Variants in AGBL4 observed in about 807,000 individuals in gnomAD.
AGBL4 encodes the protein AGBL carboxypeptidase 4, also known as cytosolic carboxypeptidase 6.
AGBL4 carries 58 observed loss-of-function variants against 66.4 expected under a neutral mutation model. That is an observed-to-expected ratio of 0.87 (90% CI 0.71 to 1.09). The LOEUF is 1.09. AGBL4 is among the 50% of genes least tolerant of loss of function. The pLI is 0.00. For missense variants in AGBL4, 579 were observed against 631.0 expected (o/e 0.92, Z 0.88); for synonymous variants, 234 against 222.9 (o/e 1.05, Z -0.44).
At chr1:49,008,659 G>A (rs1013585631) in intron 5 of AGBL4, among the ~76,000 whole-genome samples, 3 of 132,714 alleles carry the variant, frequency 2.3e-5, no homozygotes, top group Admixed American at 7.8e-5. Context: ...TAAAAGAACA[G>A]AGATTATAAC....
At chr1:49,760,556 C>T (rs1215088691) in intron 2 of AGBL4, among the ~76,000 whole-genome samples, 2 of 152,174 alleles carry the variant, frequency 1.3e-5, no homozygotes, top group Non-Finnish European at 2.9e-5. Context: ...AATAGGAACA[C>T]TCTTACATTG....
chr1:48,587,991 T>A (rs1409137786), intron 10 of AGBL4, among the ~76,000 whole-genome samples: 1 of 152,168 alleles, frequency 6.6e-6, no homozygotes, highest in Non-Finnish European at 1.5e-5. Context: ...GGCAGTGCTT[T>A]CAATTGTATG....
downstream of AGBL4, among the ~76,000 whole-genome samples, chr1:48,532,174 T>A (rs189904918): frequency 6.6e-6 from 1 of 152,318 alleles, no homozygotes; most frequent in East Asian, 1.9e-4. Context: ...CCTAGTCATA[T>A]TCCAAATGAT....
chr1:49,790,988 C>T (rs1644585876), intron 2 of AGBL4, among the ~76,000 whole-genome samples: 1 of 151,866 alleles, frequency 6.6e-6, no homozygotes, highest in South Asian at 2.1e-4. Flanking sequence ...ATAACAATAT[C>T]CAAAGAATGG....
intron 6 of AGBL4, among the ~76,000 whole-genome samples, chr1:48,720,670 A>C (rs1332743604): frequency 2.0e-5 from 3 of 152,238 alleles, no homozygotes; most frequent in Non-Finnish European, 4.4e-5. Flanking sequence ...AAACATCACC[A>C]TAACTATATC....
At chr1:49,632,556 G>A (rs1213794497) in intron 3 of AGBL4, among the ~76,000 whole-genome samples, 1 of 151,974 alleles carries the variant, frequency 6.6e-6, no homozygotes, top group Non-Finnish European at 1.5e-5. Context: ...ATGGTCTGGG[G>A]AAACCCTTAG....
chr1:49,479,429 T>C (rs1164032208), intron 3 of AGBL4, among the ~76,000 whole-genome samples: 2 of 151,976 alleles, frequency 1.3e-5, no homozygotes, highest in Non-Finnish European at 1.5e-5. Flanking sequence ...ACTGATTAGT[T>C]ATTTTTCCTG....
chr1:49,292,679 G>A (rs531086482), intron 3 of AGBL4, among the ~76,000 whole-genome samples: 1 of 152,144 alleles, frequency 6.6e-6, no homozygotes, highest in African/African-American at 2.4e-5. Flanking sequence ...TCTACTGAAA[G>A]CTGCAGACAT....
At position 49,901,437 on chromosome 1, in the gene AGBL4, T is replaced by C. The variant is rs139180390; in HGVS notation, c.35-49919A>G. On this transcript the variant is annotated intron_variant, in intron 1 of 13. Coordinates refer to ENST00000371839, the MANE Select transcript of AGBL4 (RefSeq NM_032785.4). ...AGCCAAATGAGGAATGAAATCCCAC[T>C]CACATTGTCACAAAAAAAGAATAAA... 6.6e-5 allele frequency among the ~76,000 whole-genome samples: 10 copies of C among 152,120 alleles called. No homozygotes were observed. In the East Asian group the frequency reaches 1.7e-3, roughly 26 times the overall value.
chr1:49,572,956 C>T (rs1334961046), intron 3 of AGBL4, among the ~76,000 whole-genome samples: 1 of 152,102 alleles, frequency 6.6e-6, no homozygotes, highest in African/African-American at 2.4e-5. Flanking sequence ...GCCTCCCAGC[C>T]TACAGCTTTC....
chr1:49,849,993 A>G (rs1646265956), intron 2 of AGBL4, among the ~76,000 whole-genome samples: 1 of 152,216 alleles, frequency 6.6e-6, no homozygotes, highest in South Asian at 2.1e-4. Context: ...CACTAGTACA[A>G]GATTTATAGA....
chr1:48,916,679 C>T (rs1653610336), intron 5 of AGBL4, among the ~76,000 whole-genome samples: 2 of 152,170 alleles, frequency 1.3e-5, no homozygotes, highest in African/African-American at 4.8e-5. Context: ...CTTGAATTTC[C>T]ATATCAGGGC....
intron 5 of AGBL4, among the ~76,000 whole-genome samples, chr1:49,001,333 T>C (rs1310983012): frequency 6.6e-6 from 1 of 152,250 alleles, no homozygotes; most frequent in East Asian, 1.9e-4. Context: ...TCTAATTATA[T>C]GCCAGAGTTC....
chr1:48,704,452 T>C (rs974679353), intron 6 of AGBL4, among the ~76,000 whole-genome samples: 4 of 152,230 alleles, frequency 2.6e-5, no homozygotes, highest in Admixed American at 2.6e-4. Context: ...TTTTAACTTT[T>C]TGACTCTTAA....
At chr1:49,639,070 G>A (rs979503684) in intron 3 of AGBL4, among the ~76,000 whole-genome samples, 2 of 152,122 alleles carry the variant, frequency 1.3e-5, no homozygotes, top group Non-Finnish European at 2.9e-5. Context: ...GGATCATCAG[G>A]GGGTAGCAGC....
At chr1:49,113,503 T>G (rs1171120607) in intron 4 of AGBL4, among the ~76,000 whole-genome samples, 1 of 152,114 alleles carries the variant, frequency 6.6e-6, no homozygotes, top group African/African-American at 2.4e-5. Context: ...TCCACCTGCC[T>G]CAGCCTCCCA....
chr1:49,556,786 G>A (rs143688195), intron 3 of AGBL4, among the ~76,000 whole-genome samples: 184 of 152,162 alleles, frequency 1.2e-3, no homozygotes, highest in African/African-American at 4.1e-3. Context: ...AGGCTCGTGC[G>A]GTGCAAGGGG....
At chr1:49,388,828 T>C (rs1644790054) in intron 3 of AGBL4, among the ~76,000 whole-genome samples, 1 of 152,162 alleles carries the variant, frequency 6.6e-6, no homozygotes, top group Non-Finnish European at 1.5e-5. Flanking sequence ...AGAAGTTTAA[T>C]GCCTCTGTCA....
At chr1:48,918,586 G>C (rs1438432939) in intron 5 of AGBL4, among the ~76,000 whole-genome samples, 1 of 152,132 alleles carries the variant, frequency 6.6e-6, no homozygotes, top group African/African-American at 2.4e-5. Context: ...CCCTTATAAA[G>C]GGACCCCAGA....
Sources: gnomAD v4.1 joint callset for allele counts (sites outside exome capture counted in the v4.1 genomes callset) on GRCh38, gnomAD v4.1.1 for gene constraint, MANE v1.5 for transcripts, NCBI Gene and HGNC (gene_info 2026-07-23, HGNC 2026-07-21) for gene names.